Variants in TECTA observed in about 807,000 individuals in gnomAD.
TECTA encodes alpha-tectorin.
TECTA carries 128 observed loss-of-function variants against 216.8 expected under a neutral mutation model. The observed-to-expected ratio is 0.59, with a 90% CI of 0.51 to 0.68. TECTA has a LOEUF of 0.68. Among genes scored for constraint, TECTA ranks in the 30% least tolerant of loss-of-function variants. TECTA has a pLI of 0.00. For missense variants in TECTA, 2,551 were observed against 2,786.2 expected, an observed-to-expected ratio of 0.92 and a Z score of 1.90; for synonymous variants, 1,089 against 1,117.1, an observed-to-expected ratio of 0.97 and a Z score of 0.50.
rs143743509 is a variant in TECTA at position 121,113,039 on chromosome 11, C to T, written c.487-33C>T. The stretch of plus-strand genomic sequence containing the variant: ...TGGGGCCAGGACCTCCTGGGGAGTG[C>T]AAGTCATGAGACTGCGCATTCCCAT... On this transcript the variant is annotated intron_variant, in intron 4 of 23. Coordinates refer to ENST00000392793, the MANE Select transcript of TECTA (RefSeq NM_005422.4). The surrounding 1 kb of genome is among the most constrained non-coding windows in gnomAD (Gnocchi z 4.2). The T allele has an allele frequency of 6.9e-5, 112 of 1,613,638 alleles. No individual in the cohort carries two copies. The highest frequency in any genetic ancestry group is 8.7e-5 in the Non-Finnish European group (103 of 1,179,872).
rs966136435 is a variant in TECTA at position 121,165,161 on chromosome 11, A to C, written c.5273-112A>C. Reference sequence around the variant, plus strand: ...CCCTGTCTGTTAACTGGCAGCTGCCATCTGACCATTTCCAATGTGATTAAA... The same window carrying C: ...CCCTGTCTGTTAACTGGCAGCTGCCCTCTGACCATTTCCAATGTGATTAAA... On this transcript the variant is annotated intron_variant, in intron 16 of 23. Transcript: ENST00000392793. The C allele has an allele frequency of 5.8e-5, 59 of 1,024,826 alleles. No individual in the cohort carries two copies. The African/African-American group carries it at 8.9e-4, about 15-fold the overall frequency. The allele number at this position is 1,024,826 out of a possible 1,614,324, so 63.5% of individuals were successfully genotyped here.
chr11:121,169,515 G>A (rs1451272346), intron 20 of TECTA, among the ~76,000 whole-genome samples: 1 of 151,986 alleles, frequency 6.6e-6, no homozygotes, highest in African/African-American at 2.4e-5. Context: ...AATACTTTCT[G>A]GTTACATTAG....
chr11:121,113,314 G>C lies in TECTA; in HGVS notation c.624+105G>C. ...ATCCTGCCACCAGCTTTTAACTAGA[G>C]ACGCAGGTCTGATCTCGCAGGTGGA... is the stretch of plus-strand genomic sequence containing the variant. On this transcript the variant is annotated intron_variant, in intron 5 of 23. Transcript: ENST00000392793. The surrounding 1 kb of genome is among the most constrained non-coding windows in gnomAD (Gnocchi z 4.2). 6.3e-7 allele frequency: 1 copy of C among 1,590,352 alleles called. No homozygotes were observed. The highest frequency in any genetic ancestry group is 8.6e-7 in the Non-Finnish European group (1 of 1,166,488).
At chr11:121,189,666 G>C in intron 22 of TECTA, 98 bp from the exon 23 acceptor site, 2 of 1,217,218 alleles carry the variant, frequency 1.6e-6, no homozygotes, top group Admixed American at 1.7e-5. Flanking sequence ...GAGCCACCGC[G>C]CCCAGCCTGT....
rs374778125 is a variant in TECTA at position 121,127,724 on chromosome 11, A to C, written c.1775-28A>C. 1 of 1,613,028 alleles carries C rather than the reference A, an allele frequency of 6.2e-7. No individual in the cohort carries two copies. The highest frequency in any genetic ancestry group is 8.5e-7 in the Non-Finnish European group (1 of 1,179,188). On this transcript the variant is annotated intron_variant, in intron 8 of 23. Coordinates refer to ENST00000392793, the MANE Select transcript of TECTA (RefSeq NM_005422.4). The surrounding 1 kb of genome is among the most constrained non-coding windows in gnomAD (Gnocchi z 5.0). The stretch of plus-strand genomic sequence containing the variant: ...GCACTCCGGGTCCATTCACCTTGTT[A>C]TCGGCTCTCTTCCTTTCCCCGCGTC...
intron 12 of TECTA, among the ~76,000 whole-genome samples, chr11:121,148,310 C>T (rs1343702517): frequency 6.6e-6 from 1 of 152,164 alleles, no homozygotes; most frequent in Admixed American, 6.5e-5. Flanking sequence ...ACCTTCCCTA[C>T]CGTGGCATTT....
chr11:121,171,432 T>G (rs993125361), intron 20 of TECTA, among the ~76,000 whole-genome samples: 1 of 152,100 alleles, frequency 6.6e-6, no homozygotes, highest in Non-Finnish European at 1.5e-5. Flanking sequence ...TTATACAAAT[T>G]TTAGGATTTT....
At position 121,170,986 on chromosome 11, in the gene TECTA, AC is replaced by A. The variant is rs542876061; in HGVS notation, c.5999+2064del. ...TTGTCGCTTGGGCTTTTGAAATCTT[AC>A]CCATAAAATATTTGCCTCAACTAAT... On this transcript the variant is annotated intron_variant, in intron 20 of 23. Transcript: ENST00000392793. 2.6e-5 allele frequency among the ~76,000 whole-genome samples: 4 copies of A among 152,184 alleles called. No homozygotes were observed. In the South Asian group the frequency reaches 8.3e-4, roughly 32 times the overall value.
At chr11:121,144,999 G>A (rs1946820628) in intron 11 of TECTA, among the ~76,000 whole-genome samples, 1 of 152,174 alleles carries the variant, frequency 6.6e-6, no homozygotes, top group Non-Finnish European at 1.5e-5. Flanking sequence ...AATTAATTCT[G>A]ACCACGGGCT....
At chr11:121,128,442 G>A in intron 9 of TECTA, 98 bp downstream of exon 9, 1 of 1,169,610 alleles carries the variant, frequency 8.5e-7, no homozygotes, top group South Asian at 1.5e-5. Context: ...CTCTGCCTAT[G>A]AGTGGATTTT....
At chr11:121,108,881 C>T (rs1328122386) in intron 3 of TECTA, among the ~76,000 whole-genome samples, 1 of 149,486 alleles carries the variant, frequency 6.7e-6, no homozygotes, top group East Asian at 2.0e-4. Context: ...CACATCTCAC[C>T]TGTAGTACAC....
At chr11:121,181,827 G>A (rs1404999150) in intron 20 of TECTA, among the ~76,000 whole-genome samples, 1 of 137,728 alleles carries the variant, frequency 7.3e-6, no homozygotes. Flanking sequence ...ATGTCTTTAT[G>A]TTTGTTTCTG....
chr11:121,115,282 C>A (rs939949927), intron 6 of TECTA, among the ~76,000 whole-genome samples: 2 of 152,178 alleles, frequency 1.3e-5, no homozygotes, highest in African/African-American at 4.8e-5. Flanking sequence ...TCAAGTCATC[C>A]AGCCATTTAG....
intron 12 of TECTA, among the ~76,000 whole-genome samples, chr11:121,148,921 T>C (rs1837683042): frequency 6.6e-6 from 1 of 152,196 alleles, no homozygotes; most frequent in Admixed American, 6.5e-5. Context: ...TTGAGCTGAG[T>C]CTATCATTCT....
At chr11:121,131,588 T>C (rs760364659) in intron 10 of TECTA, among the ~76,000 whole-genome samples, 2 of 152,238 alleles carry the variant, frequency 1.3e-5, no homozygotes, top group Non-Finnish European at 2.9e-5. Context: ...CTGAAGACCA[T>C]GTTCATATTT....
chr11:121,126,261 T>A (rs1337163099), intron 8 of TECTA, among the ~76,000 whole-genome samples: 2 of 152,188 alleles, frequency 1.3e-5, no homozygotes, highest in East Asian at 3.9e-4. Context: ...GGAAAATAGG[T>A]CACCTTCCAC....
Position 121,127,756 on chromosome 11 carries a change from C to T in TECTA, c.1779C>T (p.Ser593=), listed in dbSNP as rs745982494. ...CTCTTCCTTTCCCCGCGTCAGTGTC[C>T]ACAGTGCAGTGCCCGAGCTTCAGCC... ...GDWRTQTGCV[S]TVQCPSFSHY... The change falls in exon 9 of 24, where the codon TCC becomes TCT. Residue 593 remains serine, a synonymous_variant. Transcript: ENST00000392793. This position sits in a 1 kb window ranked among gnomAD's most constrained non-coding sequence, Gnocchi z 5.0. 1 of 1,614,126 alleles carries T rather than the reference C, an allele frequency of 6.2e-7. No homozygotes were observed. Among genetic ancestry groups the T allele is most frequent in the East Asian group, 2.2e-5 (1 of 44,884 alleles).
intron 18 of TECTA, among the ~76,000 whole-genome samples, chr11:121,167,321 C>T (rs1947064053): frequency 6.6e-6 from 1 of 152,162 alleles, no homozygotes; most frequent in Non-Finnish European, 1.5e-5. Flanking sequence ...GTAGTTGTGT[C>T]TACTTGGAAG....
Position 121,167,452 on chromosome 11 carries a change from A to G in TECTA, c.5587-602A>G, listed in dbSNP as rs73583200. 4.8e-3 allele frequency among the ~76,000 whole-genome samples: 728 copies of G among 152,280 alleles called. 5 individuals are homozygous for G. The highest frequency in any genetic ancestry group is 0.016 in the African/African-American group (654 of 41,552). ...TGCTAAAAACAAAACAAAACAAAAC[A>G]AAAAAACAGCTGGCTTCAGAAATAT... On this transcript the variant is annotated intron_variant, in intron 18 of 23. Transcript: ENST00000392793.
Sources: gnomAD v4.1 joint callset for allele counts (sites outside exome capture counted in the v4.1 genomes callset) on GRCh38, gnomAD v4.1.1 for gene constraint, Gnocchi (gnomAD v3.1) non-coding constraint, MANE v1.5 for transcripts, NCBI Gene and HGNC (gene_info 2026-07-23, HGNC 2026-07-21) for gene names.